CCND3: variants seen among roughly 807,000 people sequenced by gnomAD.
The protein encoded by CCND3 is G1/S-specific cyclin-D3.
CCND3 carries 9 observed loss-of-function variants against 28.7 expected under a neutral mutation model. The ratio of observed to expected loss-of-function variants is 0.31; its 90% CI spans 0.19 to 0.55. CCND3 has a LOEUF of 0.55. Among genes scored for constraint, CCND3 ranks in the 20% least tolerant of loss-of-function variants. CCND3 has a pLI of 0.93. For missense variants in CCND3, 315 were observed against 385.8 expected (o/e 0.82, Z 1.54); for synonymous variants, 164 against 163.9 (o/e 1.00, Z 0.00).
chr6:42,031,473 T>G (rs1293550273), intron 1 of CCND3: 1 of 152,208 alleles, frequency 6.6e-6, no homozygotes, highest in East Asian at 1.9e-4. Context: ...CTGTACTCCT[T>G]CCTGCCAACT....
At chr6:41,945,451 C>T (rs931642928), upstream of CCND3, among the ~76,000 whole-genome samples, 45 of 152,280 alleles carry the variant, frequency 3.0e-4, no homozygotes, top group Non-Finnish European at 1.5e-5. Flanking sequence ...GAGCCAGAGG[C>T]TGCAGTGAGC....
intron 1 of CCND3, among the ~76,000 whole-genome samples, chr6:42,014,302 A>G (rs1383509520): frequency 3.3e-5 from 5 of 152,030 alleles, no homozygotes; most frequent in Admixed American, 1.3e-4. Context: ...CGGGGGGCGG[A>G]GCCTGCAGTG....
At chr6:42,018,905 A>G (rs1226052280) in intron 1 of CCND3, among the ~76,000 whole-genome samples, 4 of 151,790 alleles carry the variant, frequency 2.6e-5, no homozygotes, top group African/African-American at 7.3e-5. Context: ...AAAAAAAAAA[A>G]AAAAAGAAGA....
intron 1 of CCND3, among the ~76,000 whole-genome samples, chr6:41,954,742 A>AT (rs1776399872): frequency 6.6e-6 from 1 of 152,100 alleles, no homozygotes; most frequent in Non-Finnish European, 1.5e-5. Context: ...GAATTAAAGT[A>AT]TTATTATCCC....
intron 1 of CCND3, among the ~76,000 whole-genome samples, chr6:42,015,801 T>C (rs887050064): frequency 2.0e-5 from 3 of 152,292 alleles, no homozygotes; most frequent in Middle Eastern, 3.4e-3. Context: ...GAAATATATA[T>C]ATATTGTGGA....
chr6:42,047,576 C>A (rs11754493), intron 1 of CCND3, among the ~76,000 whole-genome samples: 24,774 of 151,980 alleles, frequency 0.16, 2,354 homozygotes, highest in South Asian at 0.24. Flanking sequence ...CCAGGTGGAC[C>A]CTCCCAGCTG....
chr6:41,945,322 T>A (rs1012666779), upstream of CCND3, among the ~76,000 whole-genome samples: 10 of 152,196 alleles, frequency 6.6e-5, no homozygotes, highest in African/African-American at 2.4e-4. Flanking sequence ...GAGACCAGCC[T>A]GGCCAACATG....
intron 1 of CCND3, among the ~76,000 whole-genome samples, chr6:42,036,000 GT>G (rs1033758690): frequency 6.8e-6 from 1 of 147,382 alleles, no homozygotes. Flanking sequence ...ATTATTTTGG[GT>G]TTTTTTTGAG....
chr6:42,003,218 A>C (rs1415531190), intron 1 of CCND3, among the ~76,000 whole-genome samples: 26 of 12,280 alleles, frequency 2.1e-3, no homozygotes, highest in Non-Finnish European at 5.9e-3. Flanking sequence ...AGAACTTATG[A>C]AGTTAAAAAA....
At chr6:42,046,124 A>T (rs1394600744) in intron 1 of CCND3, among the ~76,000 whole-genome samples, 1 of 152,202 alleles carries the variant, frequency 6.6e-6, no homozygotes, top group Non-Finnish European at 1.5e-5. Context: ...AGACAGATGC[A>T]CGAAGTGCTT....
chr6:42,037,974 T>C (rs1426633951), intron 1 of CCND3, among the ~76,000 whole-genome samples: 1 of 144,626 alleles, frequency 6.9e-6, no homozygotes, highest in African/African-American at 2.6e-5. Flanking sequence ...GAGGTTGCAG[T>C]GAGCCGAGAT....
rs3218098 is a variant in CCND3 at position 41,937,416 on chromosome 6, G to A, written c.415-22C>T. ...AGTCCTGAAAAAGCGGGGAAAGGGT[G>A]GGGTCAGTGGCTGGAGAAGTGAAGA... On this transcript the variant is annotated intron_variant, in intron 2 of 4. Transcript: ENST00000372991. 2.5e-3 allele frequency: 3,980 copies of A among 1,613,530 alleles called. 45 individuals are homozygous for A. In the African/African-American group the frequency reaches 0.035, roughly 14 times the overall value.
At chr6:42,017,428 C>T (rs755724750) in intron 1 of CCND3, among the ~76,000 whole-genome samples, 3 of 152,252 alleles carry the variant, frequency 2.0e-5, no homozygotes, top group Non-Finnish European at 4.4e-5. Context: ...CCACTCAGTC[C>T]TCTGGCCTCT....
In CCND3 at chr6:41,941,709, G is replaced by C. The variant is rs889701960; in HGVS notation, c.-60C>G. On this transcript the variant is annotated 5_prime_UTR_variant, in exon 1 of 5. Transcript: ENST00000372991. The surrounding 1 kb of genome is among the most constrained non-coding windows in gnomAD (Gnocchi z 6.1). ...GCTCGCGAGTCCCAAGGCAGGCGAC[G>C]GGCCGGAGAGCGCGGGGCGCGGGTC... is the stretch of plus-strand genomic sequence containing the variant. 5.0e-6 allele frequency: 6 copies of C among 1,201,366 alleles called. No individual in the cohort carries two copies. The highest frequency in any genetic ancestry group is 5.3e-6 in the Non-Finnish European group (5 of 939,106). The allele number at this position is 1,201,366 out of a possible 1,614,324, so 74.4% of individuals were successfully genotyped here. A position where few individuals can be genotyped will look rare whatever the true frequency, so the allele number is the denominator to read the frequency against.
intron 1 of CCND3, among the ~76,000 whole-genome samples, chr6:42,044,996 A>G (rs1158733171): frequency 2.2e-5 from 3 of 136,368 alleles, no homozygotes; most frequent in Admixed American, 7.9e-5. Flanking sequence ...AGTAGAGATG[A>G]GGTTTCACCA....
Position 41,939,414 on chromosome 6 carries a change from C to A in CCND3, c.414+956G>T, listed in dbSNP as rs1232879469. Among the ~76,000 whole-genome samples the A allele has an allele frequency of 6.6e-6, 1 of 152,180 alleles. No homozygotes were observed. Among genetic ancestry groups the A allele is most frequent in the East Asian group, 1.9e-4 (1 of 5,204 alleles). ...CCTCTCCCCCAGCCTCCCTAGGAGA[C>A]AATCTGCATGTCCTAAATAACCTCT... On this transcript the variant is annotated intron_variant, in intron 2 of 4. Transcript: ENST00000372991. The surrounding 1 kb of genome is among the most constrained non-coding windows in gnomAD (Gnocchi z 4.2).
At chr6:41,978,140 C>A (rs1277606296) in intron 1 of CCND3, among the ~76,000 whole-genome samples, 1 of 151,074 alleles carries the variant, frequency 6.6e-6, no homozygotes, top group South Asian at 2.1e-4. Flanking sequence ...TTTGGGAGGC[C>A]GAGACGGGTG....
At chr6:41,984,773 T>C (rs113267280) in intron 1 of CCND3, among the ~76,000 whole-genome samples, 1 of 152,158 alleles carries the variant, frequency 6.6e-6, no homozygotes. Flanking sequence ...CTTGTCAATG[T>C]TTATCTTTTG....
chr6:41,951,573 CACAA>C (rs1176838576), intron 1 of CCND3, among the ~76,000 whole-genome samples: 12 of 71,240 alleles, frequency 1.7e-4, no homozygotes, highest in African/African-American at 6.3e-4. Flanking sequence ...CACACACACA[CACAA>C]AAAAAAAGAT....
Sources: allele counts gnomAD v4.1 joint callset (sites outside exome capture counted in the v4.1 genomes callset), GRCh38; gene constraint gnomAD v4.1.1; non-coding constraint Gnocchi (gnomAD v3.1); transcripts MANE v1.5; gene names NCBI Gene and HGNC (gene_info 2026-07-23, HGNC 2026-07-21).